ZNF385D: variants seen among roughly 807,000 people sequenced by gnomAD.
The protein encoded by ZNF385D is zinc finger protein 659.
Under a neutral mutation model 35.8 loss-of-function variants are expected in ZNF385D, and 15 were observed. The observed-to-expected ratio is 0.42, with a 90% confidence interval of 0.28 to 0.64. The LOEUF (loss-of-function observed/expected upper bound fraction) is 0.64. ZNF385D is among the 30% of genes least tolerant of loss of function. The pLI is 0.23. For synonymous variants in ZNF385D, 212 were observed against 186.8 expected, an observed-to-expected ratio of 1.13 and a Z score of -1.10; for missense variants, 474 against 494.6, an observed-to-expected ratio of 0.96 and a Z score of 0.39.
At chr3:22,262,064 A>G (rs1449966107) in intron 2 of ZNF385D, among the ~76,000 whole-genome samples, 1 of 152,036 alleles carries the variant, frequency 6.6e-6, no homozygotes, top group African/African-American at 2.4e-5. Flanking sequence ...ATTTTAAAAT[A>G]ATATTCTAAA....
chr3:21,551,455 A>G (rs889094893), intron 3 of ZNF385D, among the ~76,000 whole-genome samples: 4 of 152,210 alleles, frequency 2.6e-5, no homozygotes, highest in Non-Finnish European at 4.4e-5. Context: ...GTTAACTGTA[A>G]TAACACTTAG....
At chr3:22,078,407 C>T (rs1700576997) in intron 3 of ZNF385D, among the ~76,000 whole-genome samples, 1 of 152,034 alleles carries the variant, frequency 6.6e-6, no homozygotes, top group African/African-American at 2.4e-5. Flanking sequence ...CCATGCAGTG[C>T]TACCATCAAG....
At chr3:22,302,097 C>T (rs1269966754) in intron 2 of ZNF385D, among the ~76,000 whole-genome samples, 1 of 151,980 alleles carries the variant, frequency 6.6e-6, no homozygotes, top group Admixed American at 6.6e-5. Flanking sequence ...TCCTTATGCA[C>T]ACAGCATGAG....
At chr3:21,794,103 A>G (rs1277319760) in intron 3 of ZNF385D, among the ~76,000 whole-genome samples, 2 of 152,158 alleles carry the variant, frequency 1.3e-5, no homozygotes. Context: ...GTCATCAAGA[A>G]AAACAAATGA....
chr3:21,444,120 C>A (rs1307172036), intron 4 of ZNF385D, among the ~76,000 whole-genome samples: 2 of 144,280 alleles, frequency 1.4e-5, no homozygotes, highest in East Asian at 4.1e-4. Context: ...CGCTCTGTCA[C>A]CCAGGCTGGA....
At chr3:22,346,004 G>T (rs1442520985) in intron 2 of ZNF385D, among the ~76,000 whole-genome samples, 1 of 152,134 alleles carries the variant, frequency 6.6e-6, no homozygotes, top group Non-Finnish European at 1.5e-5. Flanking sequence ...TTCTATATGT[G>T]TTGATCCCAA....
At chr3:21,964,347 G>C (rs111743848) in intron 3 of ZNF385D, among the ~76,000 whole-genome samples, 1 of 135,350 alleles carries the variant, frequency 7.4e-6, no homozygotes, top group African/African-American at 2.7e-5. Context: ...AAATCCCTGA[G>C]CTCTTCCATA....
intron 3 of ZNF385D, among the ~76,000 whole-genome samples, chr3:22,031,033 T>C (rs540514060): frequency 6.6e-6 from 1 of 152,328 alleles, no homozygotes. Flanking sequence ...ATTCTATGTC[T>C]CATATCCAGG....
chr3:21,565,256 C>T (rs62236133), intron 2 of ZNF385D, among the ~76,000 whole-genome samples: 4 of 151,852 alleles, frequency 2.6e-5, no homozygotes, highest in African/African-American at 7.3e-5. Flanking sequence ...AGAATGTTAA[C>T]CTGTGGACTT....
chr3:21,877,901 G>A (rs1217745993), intron 3 of ZNF385D: 1 of 151,902 alleles, frequency 6.6e-6, no homozygotes, highest in Admixed American at 6.6e-5. Flanking sequence ...CAATACATCT[G>A]TTATCTCTAT....
chr3:21,791,128 A>G (rs2071910031), intron 3 of ZNF385D, among the ~76,000 whole-genome samples: 1 of 152,060 alleles, frequency 6.6e-6, no homozygotes, highest in Non-Finnish European at 1.5e-5. Context: ...ATGCCTTTAT[A>G]AAGGTCAATG....
chr3:21,517,432 C>A (rs1038133237), intron 3 of ZNF385D, among the ~76,000 whole-genome samples: 1 of 152,148 alleles, frequency 6.6e-6, no homozygotes, highest in African/African-American at 2.4e-5. Flanking sequence ...CTGCAACACC[C>A]CAAACCCATG....
chr3:22,219,489 A>G (rs960076259), intron 2 of ZNF385D, among the ~76,000 whole-genome samples: 2 of 152,180 alleles, frequency 1.3e-5, no homozygotes, highest in African/African-American at 2.4e-5. Context: ...AGGTCATGCT[A>G]GAATTTAATA....
At chr3:22,329,162 C>G (rs1694820044) in intron 2 of ZNF385D, among the ~76,000 whole-genome samples, 1 of 151,862 alleles carries the variant, frequency 6.6e-6, no homozygotes, top group South Asian at 2.1e-4. Context: ...GCCATGCCTT[C>G]CTCTAGTCCA....
chr3:22,352,960 T>C (rs1695985156), intron 2 of ZNF385D, among the ~76,000 whole-genome samples: 2 of 152,190 alleles, frequency 1.3e-5, no homozygotes, highest in Non-Finnish European at 2.9e-5. Flanking sequence ...CCTAGAGTTC[T>C]ACATGGAGGG....
At chr3:22,293,959 AG>A (rs1277656354) in intron 2 of ZNF385D, among the ~76,000 whole-genome samples, 2 of 151,770 alleles carry the variant, frequency 1.3e-5, no homozygotes, top group African/African-American at 4.8e-5. Flanking sequence ...ACCTATGTTA[AG>A]TTTGGGATCA....
At chr3:22,245,291 C>G (rs753627221) in intron 2 of ZNF385D, among the ~76,000 whole-genome samples, 1 of 152,102 alleles carries the variant, frequency 6.6e-6, no homozygotes, top group Non-Finnish European at 1.5e-5. Context: ...CACCACCATT[C>G]TGACCTCAGC....
intron 3 of ZNF385D, among the ~76,000 whole-genome samples, chr3:22,123,958 C>CTATATA (rs1369577983): frequency 3.8e-5 from 3 of 79,794 alleles, no homozygotes; most frequent in Admixed American, 1.3e-4. Flanking sequence ...CTCTCTCTCT[C>CTATATA]TCTCTATATA....
chr3:22,133,793 C>A (rs557458346), intron 3 of ZNF385D: 1 of 151,796 alleles, frequency 6.6e-6, no homozygotes, highest in African/African-American at 2.4e-5. Flanking sequence ...CTAAGACAAG[C>A]AGAGGGGCCA....
Sources: allele counts gnomAD v4.1 joint callset (sites outside exome capture counted in the v4.1 genomes callset), GRCh38; gene constraint gnomAD v4.1.1; transcripts MANE v1.5; gene names NCBI Gene and HGNC (gene_info 2026-07-23, HGNC 2026-07-21).